SEC11C: variants seen among roughly 807,000 people sequenced by gnomAD.
The protein encoded by SEC11C is SEC11 homolog C, signal peptidase complex subunit.
A neutral mutation model predicts 21.9 loss-of-function variants in SEC11C; 10 were observed. The observed-to-expected ratio is 0.46, with a 90% CI of 0.28 to 0.77. SEC11C has a LOEUF of 0.77. Ranked by LOEUF, SEC11C falls within the 30% of genes least tolerant of loss-of-function variation. SEC11C has a pLI of 0.12. For synonymous variants in SEC11C, 83 were observed against 85.6 expected, an observed-to-expected ratio of 0.97 and a Z score of 0.17; for missense variants, 145 against 244.5, an observed-to-expected ratio of 0.59 and a Z score of 2.71.
rs750725383 is a variant in SEC11C, at chr18:59,139,921, G to T, written c.-28G>T. On this transcript the variant is annotated 5_prime_UTR_variant, in exon 1 of 6. Transcript: ENST00000587834. Reference sequence around the variant, plus strand: ...GCCGTCTGTGCCACCCAGAGCCGGCGGGCCGCTAGGTCCCCGGAGACCCTG... The same window carrying T: ...GCCGTCTGTGCCACCCAGAGCCGGCTGGCCGCTAGGTCCCCGGAGACCCTG... 2.7e-6 allele frequency: 4 copies of T among 1,493,758 alleles called. No homozygotes were observed. The African/African-American group carries it at 4.3e-5, about 16-fold the overall frequency. The allele number at this position is 1,493,758 out of a possible 1,614,324, so 92.5% of individuals were successfully genotyped here. A position where few individuals can be genotyped will look rare whatever the true frequency, so the allele number is the denominator to read the frequency against.
At chr18:59,158,470 T>G (rs2069444191) in intron 5 of SEC11C, among the ~76,000 whole-genome samples, 162 bp from the exon 6 acceptor site, 1 of 152,230 alleles carries the variant, frequency 6.6e-6, no homozygotes, top group Admixed American at 6.5e-5. Flanking sequence ...TTGACCATAA[T>G]GTAGCATTGA....
At position 59,152,699 on chromosome 18, in the gene SEC11C, A is replaced by C; in HGVS notation, c.347+14A>C. The C allele has an allele frequency of 6.4e-7, 1 of 1,572,336 alleles. No individual in the cohort carries two copies. The stretch of plus-strand genomic sequence containing the variant: ...AGTTCATGAAAAGTAAAGAGGCTTT[A>C]TTTCCTTTTGGTTTTGTTATGTAAA... On this transcript the variant is annotated intron_variant, in intron 3 of 5. Transcript: ENST00000587834.
chr18:59,150,863 T>C (rs2144036672), intron 2 of SEC11C, among the ~76,000 whole-genome samples: 1 of 152,288 alleles, frequency 6.6e-6, no homozygotes, highest in East Asian at 1.9e-4. Context: ...CAGTAACTTT[T>C]GGCAGAGCCA....
intron 4 of SEC11C, chr18:59,157,141 G>T (rs1292001723): frequency 6.5e-6 from 1 of 154,414 alleles, no homozygotes; most frequent in African/African-American, 2.4e-5. Context: ...ATTCACATTT[G>T]TATTTGCTAC....
At chr18:59,146,823 G>A (rs2069281612) in intron 1 of SEC11C, among the ~76,000 whole-genome samples, 1 of 152,156 alleles carries the variant, frequency 6.6e-6, no homozygotes, top group Non-Finnish European at 1.5e-5. Context: ...ATAGAGCCGT[G>A]ATTCAACTTT....
intron 4 of SEC11C, chr18:59,157,176 G>C (rs1341422512): frequency 6.4e-6 from 1 of 157,426 alleles, no homozygotes; most frequent in Non-Finnish European, 1.4e-5. Flanking sequence ...TGTTATATCT[G>C]ACAAGCACTG....
chr18:59,145,049 T>C (rs546571152), intron 1 of SEC11C, among the ~76,000 whole-genome samples: 20 of 152,336 alleles, frequency 1.3e-4, no homozygotes, highest in Middle Eastern at 3.4e-3. Context: ...ATCCCTACTT[T>C]TGTGGAATGT....
At chr18:59,150,019 T>C (rs2069329301) in intron 2 of SEC11C, among the ~76,000 whole-genome samples, 1 of 152,226 alleles carries the variant, frequency 6.6e-6, no homozygotes, top group South Asian at 2.1e-4. Context: ...GCATTGTGTC[T>C]AGTATTTTTT....
intron 1 of SEC11C, among the ~76,000 whole-genome samples, chr18:59,145,148 A>G (rs1377478191): frequency 6.6e-6 from 1 of 152,244 alleles, no homozygotes; most frequent in Non-Finnish European, 1.5e-5. Flanking sequence ...TGCAGTGAGA[A>G]TATATAATAG....
chr18:59,139,932 TC>T lies in SEC11C; in HGVS notation c.-13del. On this transcript the variant is annotated 5_prime_UTR_variant, in exon 1 of 6. Transcript: ENST00000587834. Reference sequence around the variant, plus strand: ...CACCCAGAGCCGGCGGGCCGCTAGGTCCCCGGAGACCCTGCTATGGTGCGTG... The same window carrying T: ...CACCCAGAGCCGGCGGGCCGCTAGGTCCCGGAGACCCTGCTATGGTGCGTG... 6.6e-7 allele frequency: 1 copy of T among 1,517,806 alleles called. No individual in the cohort carries two copies. Among genetic ancestry groups the T allele is most frequent in the Non-Finnish European group, 8.9e-7 (1 of 1,129,138 alleles). 94.0% of individuals were successfully genotyped at this position (1,517,806 alleles called of 1,614,324 possible). A position where few individuals can be genotyped will look rare whatever the true frequency, so the allele number is the denominator to read the frequency against.
At chr18:59,154,918 T>C (rs1168176115) in intron 3 of SEC11C, among the ~76,000 whole-genome samples, 1 of 152,030 alleles carries the variant, frequency 6.6e-6, no homozygotes, top group Non-Finnish European at 1.5e-5. Flanking sequence ...ATACAAAAAT[T>C]ACCTCGGTGT....
intron 1 of SEC11C, among the ~76,000 whole-genome samples, chr18:59,148,665 G>T (rs1399387477): frequency 6.6e-6 from 1 of 150,778 alleles, no homozygotes; most frequent in Non-Finnish European, 1.5e-5. Flanking sequence ...CCAGGCTGGA[G>T]TGCAGTCGTG....
chr18:59,149,757 C>A, intron 2 of SEC11C, 135 bp downstream of exon 2: 1 of 490,324 alleles, frequency 2.0e-6, no homozygotes, highest in Admixed American at 3.3e-5. Context: ...AATTATTAGT[C>A]TTTATTGATA....
rs572129108 is a variant in SEC11C, at chr18:59,151,837, A to T, written c.198-699A>T. Among the ~76,000 whole-genome samples, 4 of 152,338 alleles carry T rather than the reference A, an allele frequency of 2.6e-5. 1 individual carries two copies. The East Asian group carries it at 7.7e-4, about 29-fold the overall frequency. ...AACAAAGCATGAGCAAATACATATA[A>T]TGAATTTTTAAAATTTCAGCTTCCA... On this transcript the variant is annotated intron_variant, in intron 2 of 5. Transcript: ENST00000587834.
At chr18:59,152,246 A>G (rs952000761) in intron 2 of SEC11C, among the ~76,000 whole-genome samples, 2 of 134,198 alleles carry the variant, frequency 1.5e-5, no homozygotes, top group African/African-American at 3.3e-5. Flanking sequence ...GACTTTTTTT[A>G]AAGCTAAAAA....
At chr18:59,152,312 C>G (rs2069364817) in intron 2 of SEC11C, among the ~76,000 whole-genome samples, 2 of 151,830 alleles carry the variant, frequency 1.3e-5, no homozygotes, top group African/African-American at 4.9e-5. Context: ...CTACCTGATA[C>G]AAACTGCAGA....
At chr18:59,145,265 A>G (rs1020883897) in intron 1 of SEC11C, among the ~76,000 whole-genome samples, 6 of 152,214 alleles carry the variant, frequency 3.9e-5, no homozygotes, top group East Asian at 1.9e-4. Flanking sequence ...CATATTGTCT[A>G]TGGCTGCTTT....
intron 1 of SEC11C, among the ~76,000 whole-genome samples, chr18:59,144,726 TAAAAAAAAAAA>T (rs5825314): frequency 4.1e-5 from 4 of 98,602 alleles, no homozygotes; most frequent in African/African-American, 1.6e-4. Flanking sequence ...CCTTGTATCT[TAAAAAAAAAAA>T]AAAAAAAAAA....
intron 4 of SEC11C, chr18:59,156,285 A>G (rs1156723628): frequency 6.4e-6 from 1 of 155,438 alleles, no homozygotes; most frequent in African/African-American, 2.4e-5. Context: ...AGAGATAACC[A>G]CTGTTTAACA....
Sources: allele counts gnomAD v4.1 joint callset (sites outside exome capture counted in the v4.1 genomes callset), GRCh38; gene constraint gnomAD v4.1.1; transcripts MANE v1.5; gene names NCBI Gene and HGNC (gene_info 2026-07-23, HGNC 2026-07-21).